Variants in SGPP1 observed in about 807,000 individuals in gnomAD.
The protein encoded by SGPP1 is hSPP1.
A neutral mutation model predicts 33.0 loss-of-function variants in SGPP1; 21 were observed. The ratio of observed to expected loss-of-function variants is 0.64; its 90% CI spans 0.45 to 0.92. The LOEUF (loss-of-function observed/expected upper bound fraction) is 0.92. Ranked by LOEUF, SGPP1 falls within the 40% of genes least tolerant of loss-of-function variation. The pLI, the probability that SGPP1 is intolerant of heterozygous loss-of-function variation, is 0.00. For synonymous variants in SGPP1, 239 were observed against 241.2 expected (o/e 0.99, Z 0.08); for missense variants, 543 against 589.4 (o/e 0.92, Z 0.81).
chr14:63,690,510 G>A (rs541402599), intron 2 of SGPP1, among the ~76,000 whole-genome samples: 2 of 152,278 alleles, frequency 1.3e-5, no homozygotes, highest in African/African-American at 4.8e-5. Flanking sequence ...AAAGAATACA[G>A]TTGAACATTC....
Position 63,727,708 on chromosome 14 carries a change from C to T in SGPP1, c.237G>A (p.Lys79=). 2.2e-6 allele frequency: 3 copies of T among 1,355,634 alleles called. No individual in the cohort carries two copies. The highest frequency in any genetic ancestry group is 2.8e-6 in the Non-Finnish European group (3 of 1,059,790). The allele number at this position is 1,355,634 out of a possible 1,614,324, so 84.0% of individuals were successfully genotyped here. The change falls in exon 1 of 3, where the codon AAG becomes AAA. Residue 79 remains lysine, a synonymous_variant. Transcript: ENST00000247225. ...CGTTGGGGGCGCCGCCGCCGTCCGGCTTGGCCGGGCACTGATTGCGGTCGC... is the reference window on the plus strand; with the variant it reads ...CGTTGGGGGCGCCGCCGCCGTCCGGTTTGGCCGGGCACTGATTGCGGTCGC... ...PGSDRNQCPA[K]PDGGGAPNGV...
In SGPP1 at chr14:63,727,425, C is replaced by G. The variant is rs1161757346; in HGVS notation, c.520G>C (p.Gly174Arg). Residue 174 changes from glycine (G) to arginine (R), a missense_variant, in exon 1 of 3, where the codon GGC (glycine) becomes CGC (arginine). By Grantham distance (125) the Gly-to-Arg change is moderately radical. Coordinates refer to ENST00000247225, the MANE Select transcript of SGPP1 (RefSeq NM_030791.4). ...CGGATGATGTCCTTGGTGCACTGGC[C>G]CAGGTACATGACCAGCACCCAGATG... ...VVIWVLVMYL[G>R]QCTKDIIRWP... 1 of 1,613,960 alleles carries G rather than the reference C, an allele frequency of 6.2e-7. No homozygotes were observed. Among genetic ancestry groups the G allele is most frequent in the Admixed American group, 1.7e-5 (1 of 60,010 alleles).
chr14:63,707,041 A>C (rs1427408071), intron 1 of SGPP1, among the ~76,000 whole-genome samples: 10 of 89,776 alleles, frequency 1.1e-4, no homozygotes, highest in African/African-American at 3.4e-4. Context: ...ACTCTGTCCC[A>C]AAAAAAAAAA....
chr14:63,723,249 T>C (rs899255754), intron 1 of SGPP1, among the ~76,000 whole-genome samples: 2 of 152,184 alleles, frequency 1.3e-5, no homozygotes, highest in Admixed American at 1.3e-4. Flanking sequence ...AAAATTCCAA[T>C]GAATAATATG....
chr14:63,727,738 G>A lies in SGPP1; in HGVS notation c.207C>T (p.Pro69=), dbSNP rs1411449902. 1.4e-6 allele frequency: 2 copies of A among 1,462,864 alleles called. No individual in the cohort carries two copies. Among genetic ancestry groups the A allele is most frequent in the Middle Eastern group, 2.2e-4 (1 of 4,474 alleles). 90.6% of individuals were successfully genotyped at this position (1,462,864 alleles called of 1,614,324 possible). Residue 69 remains proline (P), a synonymous_variant, in exon 1 of 3, where the codon CCC becomes CCT. Coordinates refer to ENST00000247225, the MANE Select transcript of SGPP1 (RefSeq NM_030791.4). ...QPGAPGGPQP[P]GSDRNQCPAK... The stretch of plus-strand genomic sequence containing the variant: ...CCGGGCACTGATTGCGGTCGCTCCC[G>A]GGAGGCTGGGGGCCTCCAGGCGCCC...
At chr14:63,708,251 C>CTTTTTTTTTTT (rs36105615) in intron 1 of SGPP1, among the ~76,000 whole-genome samples, 1 of 97,898 alleles carries the variant, frequency 1.0e-5, no homozygotes, top group Admixed American at 1.0e-4. Flanking sequence ...AGCAGCAATC[C>CTTTTTTTTTTT]TTTTTTTTTT....
At chr14:63,712,507 G>A (rs1183384035) in intron 1 of SGPP1, among the ~76,000 whole-genome samples, 1 of 152,134 alleles carries the variant, frequency 6.6e-6, no homozygotes, top group Non-Finnish European at 1.5e-5. Context: ...ACCATTGGCT[G>A]TGCTGAGCCA....
At chr14:63,717,448 A>T (rs1885658271) in intron 1 of SGPP1, among the ~76,000 whole-genome samples, 1 of 151,850 alleles carries the variant, frequency 6.6e-6, no homozygotes, top group African/African-American at 2.4e-5. Context: ...CAACCTCCCG[A>T]GTAGCTGGGA....
intron 2 of SGPP1, among the ~76,000 whole-genome samples, chr14:63,693,796 T>C (rs991898905): frequency 6.6e-6 from 1 of 152,118 alleles, no homozygotes; most frequent in Non-Finnish European, 1.5e-5. Context: ...TAATTTTTTA[T>C]AGAGACGAAG....
chr14:63,705,141 A>G (rs1449044579), intron 1 of SGPP1, among the ~76,000 whole-genome samples: 1 of 151,328 alleles, frequency 6.6e-6, no homozygotes, highest in Non-Finnish European at 1.5e-5. Context: ...AAAAAACAAA[A>G]AAACAAAACA....
At chr14:63,708,124 A>AACT (rs1270623801) in intron 1 of SGPP1, among the ~76,000 whole-genome samples, 2 of 152,038 alleles carry the variant, frequency 1.3e-5, no homozygotes, top group Non-Finnish European at 2.9e-5. Flanking sequence ...ACAGCAATCT[A>AACT]ACTGACCTTT....
chr14:63,710,529 G>A (rs570155952), intron 1 of SGPP1, among the ~76,000 whole-genome samples: 4 of 152,292 alleles, frequency 2.6e-5, no homozygotes, highest in African/African-American at 4.8e-5. Context: ...GATAGACAGC[G>A]TCTCACAGAA....
chr14:63,717,743 A>G (rs1455983425), intron 1 of SGPP1, among the ~76,000 whole-genome samples: 1 of 152,232 alleles, frequency 6.6e-6, no homozygotes, highest in East Asian at 1.9e-4. Flanking sequence ...TTCAAGCTCA[A>G]TGACCTCAAA....
chr14:63,686,706 G>A, intron 2 of SGPP1, 50 bp from the exon 3 acceptor site: 23 of 1,286,330 alleles, frequency 1.8e-5, no homozygotes, highest in South Asian at 1.3e-4. Flanking sequence ...GAATATTTTT[G>A]GCATTTAAAA....
At chr14:63,690,141 T>C (rs1885062026) in intron 2 of SGPP1, among the ~76,000 whole-genome samples, 3 of 152,078 alleles carry the variant, frequency 2.0e-5, no homozygotes, top group South Asian at 2.1e-4. Context: ...CCACCTCAAG[T>C]TGTCCTCCCC....
intron 1 of SGPP1, among the ~76,000 whole-genome samples, chr14:63,718,875 T>G (rs1162540245): frequency 6.7e-6 from 1 of 149,262 alleles, no homozygotes; most frequent in African/African-American, 2.5e-5. Flanking sequence ...TATGGAAAGT[T>G]CTTCAACTTT....
rs1285073573 is a variant in SGPP1, at chr14:63,708,013, T to C, written c.685-9355A>G. Among the ~76,000 whole-genome samples, 10 of 152,260 alleles carry C rather than the reference T, an allele frequency of 6.6e-5. No individual in the cohort carries two copies. In the East Asian group the frequency reaches 1.9e-3, roughly 29 times the overall value. ...ATTACAATGGCAAACTCAAATTCTG[T>C]CTTTCCCACATTAGTAAATTTAGCA... On this transcript the variant is annotated intron_variant, in intron 1 of 2. Transcript: ENST00000247225.
chr14:63,727,936 CA>C lies in SGPP1; in HGVS notation c.8del (p.Leu3ArgfsTer111). 6.5e-7 allele frequency: 1 copy of C among 1,545,264 alleles called. No homozygotes were observed. Among genetic ancestry groups the C allele is most frequent in the Non-Finnish European group, 8.7e-7 (1 of 1,155,062 alleles). On this transcript the variant is annotated frameshift_variant, in exon 1 of 3. Transcript: ENST00000247225. LOFTEE classifies it high-confidence loss of function. The part of the protein sequence containing the change: MS[L>X]RQRLAQLVGR... ...CAACCAGCTGGGCCAGGCGCTGCCT[CA>C]GCGACATGATAACGGAACCCCCGGG...
At position 63,684,422 on chromosome 14, in the gene SGPP1, A is replaced by G. The variant is rs1884929279; in HGVS notation, c.*1683T>C. The G allele has an allele frequency of 6.6e-6, 1 of 152,110 alleles. No homozygotes were observed. The highest frequency in any genetic ancestry group is 6.6e-5 in the Admixed American group (1 of 15,266). The allele number at this position is 152,110 out of a possible 1,614,324, so 9.4% of individuals were successfully genotyped here. On this transcript the variant is annotated 3_prime_UTR_variant, in exon 3 of 3. Transcript: ENST00000247225. ...ACATTTTGAAAGTAAAGCTCTTTTC[A>G]CATTTTCCAACGTACCAATATTTTC... is the stretch of plus-strand genomic sequence containing the variant.
Sources: gnomAD v4.1 joint callset for allele counts (sites outside exome capture counted in the v4.1 genomes callset) on GRCh38, gnomAD v4.1.1 for gene constraint, MANE v1.5 for transcripts, NCBI Gene and HGNC (gene_info 2026-07-23, HGNC 2026-07-21) for gene names.